The following XYLB variants were observed in gnomAD, a reference collection of about 807,000 sequenced individuals.
XYLB encodes the protein xylulose kinase.
Under a neutral mutation model 78.7 loss-of-function variants are expected in XYLB, and 62 were observed. The observed-to-expected ratio is 0.79, with a 90% CI of 0.64 to 0.97. The LOEUF (loss-of-function observed/expected upper bound fraction) is 0.97. Ranked by LOEUF, XYLB falls within the 50% of genes least tolerant of loss-of-function variation. XYLB has a pLI of 0.00. For missense variants in XYLB, 687 were observed against 676.8 expected (o/e 1.02, Z -0.17); for synonymous variants, 245 against 247.4 (o/e 0.99, Z 0.09).
chr3:38,368,114 T>C, intron 7 of XYLB, 71 bp from the exon 8 acceptor site: 5 of 1,456,852 alleles, frequency 3.4e-6, no homozygotes, highest in Non-Finnish European at 3.8e-6. Context: ...ATGCTTTGTG[T>C]GTGTCAGAAG....
intron 15 of XYLB, among the ~76,000 whole-genome samples, chr3:38,389,045 A>G (rs1249869821): frequency 2.0e-5 from 3 of 149,306 alleles, no homozygotes; most frequent in Admixed American, 1.3e-4. Context: ...CAGCAGATAA[A>G]CAAGTGAACA....
chr3:38,425,347 A>T (rs1709079108), downstream of XYLB, among the ~76,000 whole-genome samples: 1 of 152,192 alleles, frequency 6.6e-6, no homozygotes. Flanking sequence ...AATATTAAAC[A>T]CATTACTGGC....
chr3:38,379,866 C>T (rs925373090), intron 15 of XYLB, among the ~76,000 whole-genome samples: 6 of 152,154 alleles, frequency 3.9e-5, no homozygotes, highest in Non-Finnish European at 8.8e-5. Flanking sequence ...AATACCTGTT[C>T]CTGGGTAATT....
intron 2 of XYLB, among the ~76,000 whole-genome samples, chr3:38,354,062 A>ATATGTTTG (rs1474508600): frequency 6.6e-6 from 1 of 151,620 alleles, no homozygotes; most frequent in Non-Finnish European, 1.5e-5. Flanking sequence ...CAGCTCTGTA[A>ATATGTTTG]TATGTTTGTT....
downstream of XYLB, among the ~76,000 whole-genome samples, chr3:38,426,074 CTTTAAT>C (rs1326564821): frequency 6.6e-6 from 1 of 152,196 alleles, no homozygotes. Flanking sequence ...TTCATTGCTA[CTTTAAT>C]TTTAATCATT....
chr3:38,437,044 T>TAATAATAATAAC, the XYLB span, among the ~76,000 whole-genome samples: 3 of 144,296 alleles, frequency 2.1e-5, no homozygotes, highest in Admixed American at 6.9e-5. Flanking sequence ...ATAATAATAA[T>TAATAATAATAAC]AACAAAAACC....
rs1575530216 is a variant in XYLB, at chr3:38,401,129, T to C, written c.1533+144T>C. ...TGCTTTATTGAAATTATCAAGAAAA[T>C]GGAGCTAAAGGGCCATGTTGTCAGC... On this transcript the variant is annotated intron_variant, in intron 18 of 18. Coordinates refer to ENST00000207870, the MANE Select transcript of XYLB (RefSeq NM_005108.4). 2.7e-6 allele frequency: 2 copies of C among 727,586 alleles called. 1 individual carries two copies. Among genetic ancestry groups the C allele is most frequent in the Middle Eastern group, 4.9e-4 (2 of 4,120 alleles). 45.1% of individuals were successfully genotyped at this position (727,586 alleles called of 1,614,324 possible). A position where few individuals can be genotyped will look rare whatever the true frequency, so the allele number is the denominator to read the frequency against.
At chr3:38,392,891 C>T (rs1707727105) in intron 15 of XYLB, among the ~76,000 whole-genome samples, 1 of 152,208 alleles carries the variant, frequency 6.6e-6, no homozygotes, top group Non-Finnish European at 1.5e-5. Flanking sequence ...TTTCCCCCCA[C>T]TCCAGTATCA....
chr3:38,392,152 C>G (rs1486394754), intron 15 of XYLB, among the ~76,000 whole-genome samples: 1 of 152,102 alleles, frequency 6.6e-6, no homozygotes, highest in Non-Finnish European at 1.5e-5. Flanking sequence ...GTTGTGTACT[C>G]TCAGCAGCAG....
intron 18 of XYLB, among the ~76,000 whole-genome samples, chr3:38,407,833 A>C (rs554056237): frequency 0.037 from 5,549 of 150,464 alleles, 327 homozygotes; most frequent in African/African-American, 0.12. Context: ...AGAAGAGCTA[A>C]CTGTCCTAAA....
At chr3:38,360,621 C>T (rs985169129) in intron 3 of XYLB, among the ~76,000 whole-genome samples, 2 of 152,242 alleles carry the variant, frequency 1.3e-5, no homozygotes, top group Admixed American at 6.5e-5. Context: ...AAAAAACTTC[C>T]AGGTACTGGA....
chr3:38,385,180 T>G (rs536670537), intron 15 of XYLB, among the ~76,000 whole-genome samples: 1 of 152,070 alleles, frequency 6.6e-6, no homozygotes, highest in East Asian at 1.9e-4. Flanking sequence ...TTTGTATTTT[T>G]GTAGAGACGG....
chr3:38,412,083 C>G (rs1198326480), intron 18 of XYLB, among the ~76,000 whole-genome samples: 3 of 151,796 alleles, frequency 2.0e-5, no homozygotes, highest in Non-Finnish European at 4.4e-5. Context: ...CCCCGGCTCC[C>G]AGGTTCAAGT....
chr3:38,394,143 A>G (rs1707778100), intron 15 of XYLB, among the ~76,000 whole-genome samples: 2 of 152,188 alleles, frequency 1.3e-5, no homozygotes, highest in Non-Finnish European at 2.9e-5. Context: ...ATGTTAATTC[A>G]TATTCATTCA....
At chr3:38,432,329 G>A in the XYLB span, among the ~76,000 whole-genome samples, 2 of 152,208 alleles carry the variant, frequency 1.3e-5, no homozygotes, top group African/African-American at 4.8e-5. Flanking sequence ...AAGACTTTTG[G>A]AGGCCAAGGT....
chr3:38,410,571 C>T lies in XYLB; in HGVS notation c.1534-2365C>T, dbSNP rs1035876188. On this transcript the variant is annotated intron_variant, in intron 18 of 18. Transcript: ENST00000207870. ...AACTAAAGAGCTTCTGCACAGCAAACGAAACTACCATCAGAGCGAACAGGT... is the reference window on the plus strand; with the variant it reads ...AACTAAAGAGCTTCTGCACAGCAAATGAAACTACCATCAGAGCGAACAGGT... 1.6e-4 allele frequency among the ~76,000 whole-genome samples: 24 copies of T among 152,184 alleles called. No homozygotes were observed. In the South Asian group the frequency reaches 2.7e-3, roughly 17 times the overall value.
At chr3:38,438,484 T>C in the XYLB span, among the ~76,000 whole-genome samples, 1 of 152,220 alleles carries the variant, frequency 6.6e-6, no homozygotes. Flanking sequence ...AACATCATTG[T>C]TCACAGAATT....
chr3:38,412,052 G>T (rs980065211), intron 18 of XYLB, among the ~76,000 whole-genome samples: 1 of 150,356 alleles, frequency 6.7e-6, no homozygotes, highest in Non-Finnish European at 1.5e-5. Flanking sequence ...GTGCAGTGGT[G>T]CAATCTTGGC....
chr3:38,448,811 T>C, the XYLB span, among the ~76,000 whole-genome samples: 1 of 152,184 alleles, frequency 6.6e-6, no homozygotes, highest in Non-Finnish European at 1.5e-5. Context: ...GGGTCTCTAC[T>C]GAATGTTCTG....
Sources: allele counts gnomAD v4.1 joint callset (sites outside exome capture counted in the v4.1 genomes callset), GRCh38; gene constraint gnomAD v4.1.1; transcripts MANE v1.5; gene names NCBI Gene and HGNC (gene_info 2026-07-23, HGNC 2026-07-21).